Variants in PRKN observed in about 807,000 individuals in gnomAD.
The protein encoded by PRKN is parkin RBR E3 ubiquitin protein ligase.
Under a neutral mutation model 59.5 loss-of-function variants are expected in PRKN, and 56 were observed. The ratio of observed to expected loss-of-function variants is 0.94; its 90% confidence interval spans 0.76 to 1.18. The LOEUF is 1.18. Among genes scored for constraint, PRKN ranks in the 50% most tolerant of loss-of-function variants. The pLI is 0.00. For missense variants in PRKN, 657 were observed against 596.4 expected, an observed-to-expected ratio of 1.10 and a Z score of -1.06; for synonymous variants, 250 against 222.1, an observed-to-expected ratio of 1.13 and a Z score of -1.12.
At chr6:162,208,227 CCTGTT>C (rs1257680407) in intron 3 of PRKN, among the ~76,000 whole-genome samples, 1 of 152,142 alleles carries the variant, frequency 6.6e-6, no homozygotes, top group African/African-American at 2.4e-5. Context: ...AATCAAACTG[CCTGTT>C]CCATGCTTTT....
chr6:161,664,921 T>C (rs2128166762), intron 7 of PRKN, among the ~76,000 whole-genome samples: 2 of 151,866 alleles, frequency 1.3e-5, no homozygotes, highest in Middle Eastern at 6.8e-3. Flanking sequence ...CCCGAGTAGC[T>C]GGGATTACAG....
chr6:162,120,516 A>C (rs1278450699), intron 4 of PRKN, among the ~76,000 whole-genome samples: 2 of 152,200 alleles, frequency 1.3e-5, no homozygotes, highest in Non-Finnish European at 2.9e-5. Context: ...AATTCATGGT[A>C]ACTAAAACTC....
chr6:161,700,549 G>A (rs1413060058), intron 7 of PRKN, among the ~76,000 whole-genome samples: 2 of 152,128 alleles, frequency 1.3e-5, no homozygotes, highest in African/African-American at 4.8e-5. Flanking sequence ...GTTAGCTGTT[G>A]GAGGCTACAA....
chr6:162,156,927 C>T (rs1054794329), intron 4 of PRKN, among the ~76,000 whole-genome samples: 2 of 152,064 alleles, frequency 1.3e-5, no homozygotes, highest in African/African-American at 2.4e-5. Context: ...ATCCCCTTGA[C>T]GTTAGGCACT....
In PRKN at chr6:161,353,088, T is replaced by C. The variant is rs568370833; in HGVS notation, c.1286-2877A>G. The stretch of plus-strand genomic sequence containing the variant: ...CCACCGCGCCTGGCTGATAGATGTG[T>C]TTTTCATACACAGTCCCTGGCTTAT... On this transcript the variant is annotated intron_variant, in intron 11 of 11. Coordinates refer to ENST00000366898, the MANE Select transcript of PRKN (RefSeq NM_004562.3). This position sits in a 1 kb window ranked among gnomAD's most constrained non-coding sequence, Gnocchi z 4.8. 6.6e-6 allele frequency among the ~76,000 whole-genome samples: 1 copy of C among 152,202 alleles called. No individual in the cohort carries two copies. The highest frequency in any genetic ancestry group is 2.1e-4 in the South Asian group (1 of 4,814).
intron 1 of PRKN, among the ~76,000 whole-genome samples, chr6:162,496,656 G>A (rs1368606227): frequency 6.6e-6 from 1 of 152,294 alleles, no homozygotes; most frequent in Non-Finnish European, 1.5e-5. Context: ...CAATGATCCT[G>A]AGTGTGTTAT....
intron 4 of PRKN, among the ~76,000 whole-genome samples, chr6:162,062,770 A>C (rs1225611976): frequency 6.6e-6 from 1 of 152,190 alleles, no homozygotes; most frequent in Admixed American, 6.5e-5. Flanking sequence ...CAGTCCTAGC[A>C]GACAAATATA....
chr6:162,641,209 G>C (rs888362599), intron 1 of PRKN, among the ~76,000 whole-genome samples: 1 of 152,092 alleles, frequency 6.6e-6, no homozygotes, highest in African/African-American at 2.4e-5. Context: ...ACAATAGTTT[G>C]AGGTAATTAA....
intron 2 of PRKN, among the ~76,000 whole-genome samples, chr6:162,432,071 T>C (rs1176776382): frequency 2.6e-5 from 4 of 152,188 alleles, no homozygotes; most frequent in Non-Finnish European, 4.4e-5. Context: ...CAATTGTTTA[T>C]ATCAGTGAAC....
At chr6:162,496,341 A>G (rs1028549770) in intron 1 of PRKN, among the ~76,000 whole-genome samples, 7 of 152,224 alleles carry the variant, frequency 4.6e-5, no homozygotes, top group Non-Finnish European at 1.0e-4. Flanking sequence ...TAACTTCTAC[A>G]TTCTTTGTAA....
chr6:161,954,142 C>T lies in PRKN; in HGVS notation c.734+19160G>A, dbSNP rs112801879. ...AGTTGGGTAAGGCTTCCAGCAGATG[C>T]GACTTGGTTGATAGGAATCTCAGCC... On this transcript the variant is annotated intron_variant, in intron 6 of 11. Coordinates refer to ENST00000366898, the MANE Select transcript of PRKN (RefSeq NM_004562.3). Among the ~76,000 whole-genome samples the T allele has an allele frequency of 4.0e-3, 605 of 152,214 alleles. 6 individuals are homozygous for T. The highest frequency in any genetic ancestry group is 0.01 in the African/African-American group (428 of 41,526).
chr6:162,415,788 G>C (rs916656919), intron 2 of PRKN, among the ~76,000 whole-genome samples: 9 of 152,134 alleles, frequency 5.9e-5, no homozygotes, highest in Admixed American at 5.9e-4. Flanking sequence ...CTGCACTCCA[G>C]CCTGGTGACA....
At chr6:161,618,776 T>C (rs1345024643) in intron 7 of PRKN, among the ~76,000 whole-genome samples, 2 of 152,208 alleles carry the variant, frequency 1.3e-5, no homozygotes, top group African/African-American at 4.8e-5. Flanking sequence ...ATAAATCTAA[T>C]TTTAATCCAA....
chr6:161,430,680 T>G (rs543299782), intron 9 of PRKN, among the ~76,000 whole-genome samples: 1 of 151,150 alleles, frequency 6.6e-6, no homozygotes, highest in East Asian at 2.0e-4. Context: ...CCCGGCATAG[T>G]GGCGGGCGCC....
Position 161,413,818 on chromosome 6 carries a change from T to C in PRKN, c.1084-26941A>G, listed in dbSNP as rs1370992793. Among the ~76,000 whole-genome samples the C allele has an allele frequency of 6.6e-6, 1 of 152,060 alleles. No individual in the cohort carries two copies. Among genetic ancestry groups the C allele is most frequent in the Non-Finnish European group, 1.5e-5 (1 of 68,022 alleles). On this transcript the variant is annotated intron_variant, in intron 9 of 11. Transcript: ENST00000366898. This position sits in a 1 kb window ranked among gnomAD's most constrained non-coding sequence, Gnocchi z 4.4. ...CTCATTCAAAAATGCAATTTTTAAT[T>C]AAAAGGGAAACTTCCTGAGAGGACA...
At chr6:162,550,165 A>G (rs1420993912) in intron 1 of PRKN, among the ~76,000 whole-genome samples, 1 of 152,194 alleles carries the variant, frequency 6.6e-6, no homozygotes, top group Non-Finnish European at 1.5e-5. Flanking sequence ...TAAGAATGAT[A>G]ATAATAATGA....
chr6:162,378,735 G>T (rs2128139690), intron 2 of PRKN, among the ~76,000 whole-genome samples: 1 of 152,332 alleles, frequency 6.6e-6, no homozygotes, highest in South Asian at 2.1e-4. Flanking sequence ...TGAAAGGTCT[G>T]CTTAGTTGCT....
chr6:162,436,204 A>T lies in PRKN; in HGVS notation c.171+7106T>A, dbSNP rs866490443. Among the ~76,000 whole-genome samples the T allele has an allele frequency of 5.3e-4, 74 of 139,830 alleles. 1 individual carries two copies. The South Asian group carries it at 0.016, about 31-fold the overall frequency. 91.7% of individuals were successfully genotyped at this position (139,830 alleles called of 152,430 possible). Reference sequence around the variant, plus strand: ...AAAAAAAAAAAAAAAAAAAAAAAAAATTTGAATAAATTACCAAAAAAAACC... The same window carrying T: ...AAAAAAAAAAAAAAAAAAAAAAAAATTTTGAATAAATTACCAAAAAAAACC... On this transcript the variant is annotated intron_variant, in intron 2 of 11. Coordinates refer to ENST00000366898, the MANE Select transcript of PRKN (RefSeq NM_004562.3).
chr6:161,637,345 C>G (rs1582925903), intron 7 of PRKN, among the ~76,000 whole-genome samples: 1 of 151,784 alleles, frequency 6.6e-6, no homozygotes, highest in Middle Eastern at 3.4e-3. Flanking sequence ...AAATAAATGT[C>G]ATATGGCTGC....
Sources: gnomAD v4.1 joint callset for allele counts (sites outside exome capture counted in the v4.1 genomes callset) on GRCh38, gnomAD v4.1.1 for gene constraint, Gnocchi (gnomAD v3.1) non-coding constraint, MANE v1.5 for transcripts, NCBI Gene and HGNC (gene_info 2026-07-23, HGNC 2026-07-21) for gene names.